Variants in NEK11 observed in about 807,000 individuals in gnomAD.
NEK11 encodes serine/threonine-protein kinase Nek11.
A neutral mutation model predicts 80.7 loss-of-function variants in NEK11; 72 were observed. The observed-to-expected ratio is 0.89, with a 90% confidence interval of 0.74 to 1.08. The LOEUF (loss-of-function observed/expected upper bound fraction) is 1.08. NEK11 is among the 50% of genes least tolerant of loss of function. The pLI, the probability that NEK11 is intolerant of heterozygous loss-of-function variation, is 0.00. For missense variants in NEK11, 764 were observed against 763.6 expected, an observed-to-expected ratio of 1.00 and a Z score of -0.01; for synonymous variants, 251 against 260.7, an observed-to-expected ratio of 0.96 and a Z score of 0.36.
chr3:131,281,025 C>T (rs952244397), intron 17 of NEK11, among the ~76,000 whole-genome samples: 1 of 152,214 alleles, frequency 6.6e-6, no homozygotes, highest in Admixed American at 6.6e-5. Context: ...CCTCTCGTGT[C>T]CTTCCCTCTC....
At chr3:131,254,819 A>T (rs1243463610) in intron 16 of NEK11, among the ~76,000 whole-genome samples, 2 of 152,128 alleles carry the variant, frequency 1.3e-5, no homozygotes, top group Non-Finnish European at 2.9e-5. Flanking sequence ...CAGGAGTTCA[A>T]GACCAGCCAG....
intron 17 of NEK11, among the ~76,000 whole-genome samples, chr3:131,303,782 AT>A (rs1394336991): frequency 6.6e-6 from 1 of 151,834 alleles, no homozygotes; most frequent in Non-Finnish European, 1.5e-5. Context: ...TGCCTTTAGC[AT>A]TTTTTCTTTC....
intron 4 of NEK11, among the ~76,000 whole-genome samples, chr3:131,096,362 C>T (rs1480503984): frequency 1.3e-5 from 2 of 151,938 alleles, no homozygotes; most frequent in African/African-American, 2.4e-5. Flanking sequence ...GATTTCATTC[C>T]GTTTTTATGG....
chr3:131,333,988 G>A (rs186224236), intron 17 of NEK11, among the ~76,000 whole-genome samples: 27,865 of 151,508 alleles, frequency 0.18, 4,727 homozygotes, highest in African/African-American at 0.44. Flanking sequence ...GTGACCTACA[G>A]AGAGACTTAG....
In NEK11 at chr3:131,047,529, A is replaced by C. The variant is rs151123607; in HGVS notation, c.170+17651A>C. Among the ~76,000 whole-genome samples, 261 of 152,206 alleles carry C rather than the reference A, an allele frequency of 1.7e-3. 1 individual carries two copies. The highest frequency in any genetic ancestry group is 5.9e-3 in the African/African-American group (244 of 41,516). ...TGTGGTTTCCTGAGAGCTGACCTGC[A>C]GTGGTTGTTATTTCTCTTCTGGATC... On this transcript the variant is annotated intron_variant, in intron 3 of 17. Transcript: ENST00000383366.
At chr3:131,034,228 A>G (rs908846985) in intron 3 of NEK11, among the ~76,000 whole-genome samples, 1 of 152,256 alleles carries the variant, frequency 6.6e-6, no homozygotes, top group African/African-American at 2.4e-5. Flanking sequence ...ACTTGTAATT[A>G]ATCATGGCCA....
intron 17 of NEK11, among the ~76,000 whole-genome samples, chr3:131,312,434 G>C (rs2096791426): frequency 2.6e-5 from 4 of 152,112 alleles, no homozygotes. Context: ...GATGAAACAA[G>C]TATCTTCTAA....
At chr3:131,345,988 A>G (rs1376590785) in intron 17 of NEK11, among the ~76,000 whole-genome samples, 1 of 152,070 alleles carries the variant, frequency 6.6e-6, no homozygotes, top group Non-Finnish European at 1.5e-5. Context: ...AAAGAGCTCA[A>G]GTACACAGAG....
At chr3:131,212,913 G>T (rs1049910537) in intron 14 of NEK11, among the ~76,000 whole-genome samples, 1 of 152,152 alleles carries the variant, frequency 6.6e-6, no homozygotes, top group African/African-American at 2.4e-5. Flanking sequence ...TATATCAGTA[G>T]ACTTTGAGTA....
intron 5 of NEK11, among the ~76,000 whole-genome samples, chr3:131,131,647 T>C (rs1045306523): frequency 1.3e-5 from 2 of 152,122 alleles, no homozygotes; most frequent in Admixed American, 6.5e-5. Context: ...GTTGATTTTA[T>C]TGATCTTTTC....
chr3:131,125,280 G>C (rs1052494766), intron 5 of NEK11, among the ~76,000 whole-genome samples: 11 of 152,076 alleles, frequency 7.2e-5, no homozygotes, highest in African/African-American at 2.7e-4. Context: ...GTCAGAATTT[G>C]CTTAGTCAGA....
intron 16 of NEK11, among the ~76,000 whole-genome samples, chr3:131,257,207 G>A (rs1580990871): frequency 6.6e-6 from 1 of 151,394 alleles, no homozygotes; most frequent in East Asian, 2.0e-4. Flanking sequence ...TGTTGCTCAG[G>A]CTGGTCTTGA....
intron 4 of NEK11, among the ~76,000 whole-genome samples, chr3:131,087,235 CTTTTTTTT>C (rs59630167): frequency 1.2e-5 from 1 of 81,204 alleles, no homozygotes; most frequent in South Asian, 5.5e-4. Context: ...TATGCAAATT[CTTTTTTTT>C]TTTTTTTTTT....
At chr3:131,057,147 T>C (rs1033221116) in intron 3 of NEK11, among the ~76,000 whole-genome samples, 47 of 151,238 alleles carry the variant, frequency 3.1e-4, no homozygotes, top group Non-Finnish European at 4.4e-4. Context: ...GTTTGGTTTT[T>C]TGTCCTTGAG....
chr3:131,207,497 G>A (rs9837365), intron 14 of NEK11, among the ~76,000 whole-genome samples: 66,835 of 151,618 alleles, frequency 0.44, 16,211 homozygotes, highest in Middle Eastern at 0.66. Context: ...GCAGGAGAAT[G>A]GCATGAACCC....
intron 17 of NEK11, among the ~76,000 whole-genome samples, chr3:131,306,900 T>C (rs554196922): frequency 6.6e-6 from 1 of 152,176 alleles, no homozygotes; most frequent in Non-Finnish European, 1.5e-5. Context: ...CATGTTTTCC[T>C]ACCCCAGCAC....
At chr3:131,342,296 CG>C (rs1270906141) in intron 17 of NEK11, among the ~76,000 whole-genome samples, 1 of 152,134 alleles carries the variant, frequency 6.6e-6, no homozygotes, top group Non-Finnish European at 1.5e-5. Context: ...ATGAAGATTC[CG>C]GATGCTTGTT....
intron 4 of NEK11, among the ~76,000 whole-genome samples, chr3:131,084,683 C>G (rs894304636): frequency 2.6e-5 from 4 of 152,272 alleles, no homozygotes; most frequent in African/African-American, 9.6e-5. Flanking sequence ...CTATTTTCTG[C>G]TTGGTGACAT....
intron 17 of NEK11, among the ~76,000 whole-genome samples, chr3:131,301,270 GC>G (rs2096658064): frequency 6.6e-6 from 1 of 152,080 alleles, no homozygotes; most frequent in African/African-American, 2.4e-5. Flanking sequence ...AGATTTAGGA[GC>G]TTTTGAATAG....
Sources: gnomAD v4.1 joint callset for allele counts (sites outside exome capture counted in the v4.1 genomes callset) on GRCh38, gnomAD v4.1.1 for gene constraint, MANE v1.5 for transcripts, NCBI Gene and HGNC (gene_info 2026-07-23, HGNC 2026-07-21) for gene names.